Variants in MAGI2 observed in about 807,000 individuals in gnomAD.
MAGI2 encodes the protein membrane associated guanylate kinase, WW and PDZ domain containing 2.
MAGI2 carries 35 observed loss-of-function variants against 133.3 expected under a neutral mutation model. That is an observed-to-expected ratio of 0.26 (90% CI 0.20 to 0.35). The LOEUF is 0.35. MAGI2 is among the 10% of genes least tolerant of loss of function. The pLI is 1.00. For missense variants in MAGI2, 1,636 were observed against 1,863.4 expected (o/e 0.88, Z 2.25); for synonymous variants, 729 against 710.6 (o/e 1.03, Z -0.41).
At chr7:78,966,133 A>C (rs1050262005) in intron 2 of MAGI2, among the ~76,000 whole-genome samples, 6 of 152,094 alleles carry the variant, frequency 3.9e-5, no homozygotes, top group African/African-American at 1.4e-4. Context: ...GAGAGATAGA[A>C]ATAACTGTTT....
At chr7:78,915,104 G>A (rs1358487407) in intron 2 of MAGI2, among the ~76,000 whole-genome samples, 1 of 152,094 alleles carries the variant, frequency 6.6e-6, no homozygotes, top group Admixed American at 6.6e-5. Context: ...ATCTCCACCT[G>A]AATAGAGCTT....
At chr7:78,824,982 C>T (rs188120620) in intron 2 of MAGI2, among the ~76,000 whole-genome samples, 20 of 152,064 alleles carry the variant, frequency 1.3e-4, no homozygotes, top group Admixed American at 4.6e-4. Flanking sequence ...AACCAAACAC[C>T]GTATGTTCTC....
intron 2 of MAGI2, among the ~76,000 whole-genome samples, chr7:78,926,932 T>C (rs964715801): frequency 6.6e-6 from 1 of 151,872 alleles, no homozygotes; most frequent in African/African-American, 2.4e-5. Flanking sequence ...ACCTACAAGC[T>C]AACCTTGGCC....
chr7:78,838,286 C>T (rs550317486), intron 2 of MAGI2, among the ~76,000 whole-genome samples: 2 of 152,060 alleles, frequency 1.3e-5, no homozygotes, highest in South Asian at 4.1e-4. Context: ...AACTTGAACA[C>T]GGCATGTATT....
chr7:78,987,459 C>T (rs1369496650), intron 2 of MAGI2, among the ~76,000 whole-genome samples: 1 of 151,972 alleles, frequency 6.6e-6, no homozygotes, highest in Non-Finnish European at 1.5e-5. Context: ...AAATAATTAT[C>T]TTACTTTGAA....
At chr7:78,495,713 A>T (rs1261283305) in intron 5 of MAGI2, among the ~76,000 whole-genome samples, 1 of 152,186 alleles carries the variant, frequency 6.6e-6, no homozygotes, top group Non-Finnish European at 1.5e-5. Flanking sequence ...TCTTAAGCAT[A>T]TGAATATTTG....
At chr7:78,683,740 T>A (rs191560823) in intron 2 of MAGI2, among the ~76,000 whole-genome samples, 1 of 152,290 alleles carries the variant, frequency 6.6e-6, no homozygotes, top group East Asian at 1.9e-4. Flanking sequence ...TCCCTAATCA[T>A]AAGATCACTC....
intron 16 of MAGI2, chr7:78,158,079 A>C (rs1824573531): frequency 6.6e-6 from 1 of 152,062 alleles, no homozygotes; most frequent in African/African-American, 2.4e-5. Context: ...TATCACATAA[A>C]GTTCTTATTC....
At chr7:78,924,135 T>C (rs1799494925) in intron 2 of MAGI2, among the ~76,000 whole-genome samples, 1 of 152,178 alleles carries the variant, frequency 6.6e-6, no homozygotes, top group South Asian at 2.1e-4. Flanking sequence ...TCATGTCGTC[T>C]GCAAACAGGG....
intron 1 of MAGI2, among the ~76,000 whole-genome samples, chr7:79,105,590 C>T (rs1468876899): frequency 6.6e-6 from 1 of 152,154 alleles, no homozygotes; most frequent in African/African-American, 2.4e-5. Context: ...ATCCTACTTG[C>T]TTCTCAGCTG....
At chr7:79,088,806 T>C (rs1258570858) in intron 1 of MAGI2, among the ~76,000 whole-genome samples, 2 of 152,062 alleles carry the variant, frequency 1.3e-5, no homozygotes, top group Non-Finnish European at 2.9e-5. Flanking sequence ...ATGTGATGGA[T>C]TATGTTTATT....
At chr7:79,323,864 C>G (rs900652630) in intron 1 of MAGI2, among the ~76,000 whole-genome samples, 1 of 152,082 alleles carries the variant, frequency 6.6e-6, no homozygotes, top group Admixed American at 6.5e-5. Flanking sequence ...CAAGAGAATA[C>G]CTGGGGTAGA....
intron 1 of MAGI2, among the ~76,000 whole-genome samples, chr7:79,081,825 C>G (rs183553369): frequency 1.9e-3 from 286 of 152,128 alleles, no homozygotes; most frequent in Non-Finnish European, 3.1e-3. Flanking sequence ...AGACATAGAC[C>G]CTTCATAAAA....
intron 1 of MAGI2, among the ~76,000 whole-genome samples, chr7:79,021,517 A>G (rs1584705713): frequency 1.3e-5 from 2 of 152,220 alleles, no homozygotes; most frequent in East Asian, 3.9e-4. Flanking sequence ...TAGAACTTTA[A>G]GGTTTAATGA....
Position 79,257,879 on chromosome 7 carries a change from A to G in MAGI2, c.301+195141T>C, listed in dbSNP as rs180934515. On this transcript the variant is annotated intron_variant, in intron 1 of 21. Transcript: ENST00000354212. Reference sequence around the variant, plus strand: ...GTTATGTGCAGCAACATTTTGCCCCACAGAAATTCTGTGGTGGATGCCTTT... The same window carrying G: ...GTTATGTGCAGCAACATTTTGCCCCGCAGAAATTCTGTGGTGGATGCCTTT... Among the ~76,000 whole-genome samples, 5 of 152,162 alleles carry G rather than the reference A, an allele frequency of 3.3e-5. No individual in the cohort carries two copies. In the East Asian group the frequency reaches 9.6e-4, roughly 29 times the overall value.
chr7:78,332,011 GAA>G (rs1365512290), intron 9 of MAGI2, among the ~76,000 whole-genome samples: 8 of 152,058 alleles, frequency 5.3e-5, no homozygotes, highest in African/African-American at 1.9e-4. Flanking sequence ...TACCAATACT[GAA>G]ACTAGAAAAA....
chr7:78,860,902 C>T (rs1278590018), intron 2 of MAGI2, among the ~76,000 whole-genome samples: 1 of 152,160 alleles, frequency 6.6e-6, no homozygotes, highest in African/African-American at 2.4e-5. Context: ...CCTGTTGGAG[C>T]TTCCAGGCAG....
chr7:78,200,795 C>T lies in MAGI2; in HGVS notation c.2079+367G>A, dbSNP rs139827268. On this transcript the variant is annotated intron_variant, in intron 11 of 21. Transcript: ENST00000354212. ...ACTAGATTTAATTTGCAGGTCAAGA[C>T]TTCTGGACCTATAGTTTGTATTGTT... 3.3e-3 allele frequency among the ~76,000 whole-genome samples: 498 copies of T among 152,172 alleles called. 1 individual carries two copies. The highest frequency in any genetic ancestry group is 0.011 in the African/African-American group (467 of 41,510).
At chr7:78,055,089 G>A (rs1264610383) in intron 21 of MAGI2, among the ~76,000 whole-genome samples, 1 of 152,174 alleles carries the variant, frequency 6.6e-6, no homozygotes, top group Non-Finnish European at 1.5e-5. Flanking sequence ...GGTGTGAGGT[G>A]ATACCTCATT....
Sources: allele counts gnomAD v4.1 joint callset (sites outside exome capture counted in the v4.1 genomes callset), GRCh38; gene constraint gnomAD v4.1.1; transcripts MANE v1.5; gene names NCBI Gene and HGNC (gene_info 2026-07-23, HGNC 2026-07-21).